The following BLOC1S5 variants were observed in gnomAD, a reference collection of about 807,000 sequenced individuals.
BLOC1S5 encodes biogenesis of lysosome-related organelles complex 1 subunit 5.
BLOC1S5 carries 27 observed loss-of-function variants against 24.3 expected under a neutral mutation model. That is an observed-to-expected ratio of 1.11 (90% CI 0.82 to 1.53). The LOEUF is 1.53. Ranked by LOEUF, BLOC1S5 falls within the 40% of genes most tolerant of loss-of-function variation. The pLI, the probability that BLOC1S5 is intolerant of heterozygous loss-of-function variation, is 0.00. For missense variants in BLOC1S5, 239 were observed against 229.4 expected (o/e 1.04, Z -0.27); for synonymous variants, 84 against 74.5 (o/e 1.13, Z -0.66).
intron 3 of BLOC1S5, among the ~76,000 whole-genome samples, chr6:8,039,988 G>A (rs745846373): frequency 3.9e-4 from 59 of 152,216 alleles, no homozygotes; most frequent in Non-Finnish European, 1.3e-4. Flanking sequence ...GTGAAAAGTC[G>A]TGAAGTTAAG....
intron 2 of BLOC1S5, among the ~76,000 whole-genome samples, chr6:8,046,099 CA>C (rs760159375): frequency 1.8e-4 from 28 of 152,136 alleles, no homozygotes; most frequent in Non-Finnish European, 4.0e-4. Flanking sequence ...GGGAAGAACC[CA>C]GGGGGAGGTA....
chr6:8,061,314 G>A lies in BLOC1S5; in HGVS notation c.195+1220C>T, dbSNP rs77123759. On this transcript the variant is annotated intron_variant, in intron 2 of 4. Transcript: ENST00000397457. ...TTAAAAATTTTTTTTAAATGATGAC[G>A]ATGTGGTATAATCAGATTGTGGGAA... 9.3e-3 allele frequency among the ~76,000 whole-genome samples: 1,413 copies of A among 152,040 alleles called. 25 individuals are homozygous for A. The highest frequency in any genetic ancestry group is 0.032 in the African/African-American group (1,338 of 41,436).
chr6:8,037,483 C>A (rs529869959), intron 3 of BLOC1S5, among the ~76,000 whole-genome samples: 1 of 151,978 alleles, frequency 6.6e-6, no homozygotes, highest in African/African-American at 2.4e-5. Context: ...AGAGGGCACA[C>A]AAAAATGGAA....
chr6:8,038,409 C>T (rs1763561509), intron 3 of BLOC1S5, among the ~76,000 whole-genome samples: 2 of 152,048 alleles, frequency 1.3e-5, no homozygotes, highest in Admixed American at 1.3e-4. Flanking sequence ...AAAAAAGTGC[C>T]CAAGATCACT....
chr6:8,043,628 G>A (rs547289991), intron 2 of BLOC1S5, among the ~76,000 whole-genome samples: 2 of 152,342 alleles, frequency 1.3e-5, no homozygotes, highest in African/African-American at 4.8e-5. Flanking sequence ...GGAACAGAAA[G>A]GGGACTGTAA....
At chr6:8,036,714 G>A (rs547654427) in intron 3 of BLOC1S5, among the ~76,000 whole-genome samples, 2 of 151,810 alleles carry the variant, frequency 1.3e-5, no homozygotes, top group Non-Finnish European at 2.9e-5. Flanking sequence ...AAAGACAAAA[G>A]AATTAAAAAA....
At chr6:8,016,367 A>T (rs77389329) in intron 4 of BLOC1S5, among the ~76,000 whole-genome samples, 1 of 152,048 alleles carries the variant, frequency 6.6e-6, no homozygotes, top group Non-Finnish European at 1.5e-5. Context: ...GTATCTTCAC[A>T]TGATAAAATC....
At position 8,047,142 on chromosome 6, in the gene BLOC1S5, C is replaced by CCTCTCTCTCTCTCT. The variant is rs761994219; in HGVS notation, c.196-5888_196-5875dup. On this transcript the variant is annotated intron_variant, in intron 2 of 4. Coordinates refer to ENST00000397457, the MANE Select transcript of BLOC1S5 (RefSeq NM_201280.3). ...TTGCCTTAAACAAACAATAAGACCA[C>CCTCTCTCTCTCTCT]CTCTCTCTCTCTCTCTCTCACACAC... Among the ~76,000 whole-genome samples, 426 of 102,218 alleles carry CCTCTCTCTCTCTCT rather than the reference C, an allele frequency of 4.2e-3. 4 individuals are homozygous for CCTCTCTCTCTCTCT. Among genetic ancestry groups the CCTCTCTCTCTCTCT allele is most frequent in the East Asian group, 5.7e-3 (22 of 3,848 alleles). 67.1% of individuals were successfully genotyped at this position (102,218 alleles called of 152,430 possible).
intron 4 of BLOC1S5, among the ~76,000 whole-genome samples, 184 bp from the exon 5 acceptor site, chr6:8,016,012 T>C (rs982835099): frequency 1.3e-5 from 2 of 152,202 alleles, no homozygotes; most frequent in South Asian, 2.1e-4. Context: ...AAATTAAACA[T>C]GGATATTCTC....
chr6:8,039,171 G>A (rs2113557418), intron 3 of BLOC1S5, among the ~76,000 whole-genome samples: 1 of 152,316 alleles, frequency 6.6e-6, no homozygotes, highest in Middle Eastern at 3.4e-3. Flanking sequence ...ATTATGTTAA[G>A]TGAAATAAGC....
intron 2 of BLOC1S5, among the ~76,000 whole-genome samples, chr6:8,050,680 G>A (rs892076904): frequency 3.3e-5 from 5 of 149,756 alleles, no homozygotes; most frequent in Admixed American, 6.7e-5. Flanking sequence ...TCGGCTCACC[G>A]CAACCTCTGC....
chr6:8,021,440 A>T (rs954551500), intron 4 of BLOC1S5, among the ~76,000 whole-genome samples: 8 of 152,118 alleles, frequency 5.3e-5, no homozygotes, highest in African/African-American at 1.9e-4. Context: ...CTTTACTGAA[A>T]ATACAAAAAT....
intron 4 of BLOC1S5, among the ~76,000 whole-genome samples, chr6:8,023,449 G>T (rs1258143932): frequency 6.6e-6 from 1 of 152,190 alleles, no homozygotes; most frequent in Non-Finnish European, 1.5e-5. Flanking sequence ...AATTAGCCGT[G>T]TGTGGTGGCG....
chr6:8,033,798 G>A (rs991504065), intron 3 of BLOC1S5, among the ~76,000 whole-genome samples: 3 of 151,746 alleles, frequency 2.0e-5, no homozygotes, highest in African/African-American at 4.9e-5. Flanking sequence ...AACAAACAAC[G>A]CCATCAAAAA....
At chr6:8,023,383 A>C (rs763606546) in intron 4 of BLOC1S5, among the ~76,000 whole-genome samples, 1 of 152,208 alleles carries the variant, frequency 6.6e-6, no homozygotes, top group Non-Finnish European at 1.5e-5. Context: ...AGAATTAATG[A>C]ACTCAAGACC....
At chr6:8,022,978 G>A (rs1159545007) in intron 4 of BLOC1S5, among the ~76,000 whole-genome samples, 2 of 152,182 alleles carry the variant, frequency 1.3e-5, no homozygotes, top group East Asian at 3.8e-4. Flanking sequence ...ATAAATATTT[G>A]TGGACAAGGT....
rs575064075 is a variant in BLOC1S5 at position 8,037,902 on chromosome 6, GCTGGGAAAACTGGATATCAGTATGA to G, written c.325+3212_325+3236del. 7.2e-5 allele frequency among the ~76,000 whole-genome samples: 11 copies of G among 152,276 alleles called. No homozygotes were observed. In the South Asian group the frequency reaches 2.3e-3, roughly 32 times the overall value. On this transcript the variant is annotated intron_variant, in intron 3 of 4. Coordinates refer to ENST00000397457, the MANE Select transcript of BLOC1S5 (RefSeq NM_201280.3). ...AAGGACAGGCTCTTCGATAACCAGT[GCTGGGAAAACTGGATATCAGTATGA>G]CTGGGAAAACTGGATATCCATATGA...
intron 2 of BLOC1S5, among the ~76,000 whole-genome samples, chr6:8,058,357 G>GAAAAAAAAAAAAAAAAAA (rs60827828): frequency 1.2e-5 from 1 of 84,552 alleles, no homozygotes; most frequent in African/African-American, 3.5e-5. Flanking sequence ...CTGTCTCTAT[G>GAAAAAAAAAAAAAAAAAA]AAAAAAAAAA....
rs186440809 is a variant in BLOC1S5, at chr6:8,057,180, T to C, written c.195+5354A>G. On this transcript the variant is annotated intron_variant, in intron 2 of 4. Transcript: ENST00000397457. ...GTTACAGTGAGTCGAGATCGCACCA[T>C]TGTACTCCAGCCTGGGCAACAAGAG... Among the ~76,000 whole-genome samples the C allele has an allele frequency of 5.2e-3, 798 of 152,054 alleles. 11 individuals are homozygous for C. The highest frequency in any genetic ancestry group is 0.018 in the African/African-American group (760 of 41,454).
Sources: allele counts gnomAD v4.1 joint callset (sites outside exome capture counted in the v4.1 genomes callset), GRCh38; gene constraint gnomAD v4.1.1; transcripts MANE v1.5; gene names NCBI Gene and HGNC (gene_info 2026-07-23, HGNC 2026-07-21).